The following DSG3 variants were observed in gnomAD, a reference collection of about 807,000 sequenced individuals.
DSG3 encodes desmoglein 3.
In DSG3, 63 loss-of-function variants were observed where a neutral mutation model predicts 85.9. The observed-to-expected ratio is 0.73, with a 90% CI of 0.60 to 0.90. The LOEUF is 0.90. Among genes scored for constraint, DSG3 ranks in the 40% least tolerant of loss-of-function variants. The pLI is 0.00. For synonymous variants in DSG3, 447 were observed against 441.9 expected, an observed-to-expected ratio of 1.01 and a Z score of -0.14; for missense variants, 1,220 against 1,219.9, an observed-to-expected ratio of 1.00 and a Z score of 0.00.
At position 31,474,271 on chromosome 18, in the gene DSG3, C is replaced by T; in HGVS notation, c.2252C>T (p.Ala751Val). ...TVSGAASGFG[A>V]ATGVGICSSG... is the part of the protein sequence containing the mutation. ...TCAGGAGCTGCTTCAGGATTCGGAGCAGCCACTGGAGTTGGCATCTGTTCC... is the reference window on the plus strand; with the variant it reads ...TCAGGAGCTGCTTCAGGATTCGGAGTAGCCACTGGAGTTGGCATCTGTTCC... The change falls in exon 15 of 16, where the codon GCA (alanine) becomes GTA (valine). Residue 751 changes from alanine (A) to valine (V), a missense_variant. Coordinates refer to ENST00000257189, the MANE Select transcript of DSG3 (RefSeq NM_001944.3). The T allele has an allele frequency of 1.2e-6, 2 of 1,614,196 alleles. No homozygotes were observed. Among genetic ancestry groups the T allele is most frequent in the Non-Finnish European group, 1.7e-6 (2 of 1,180,034 alleles).
chr18:31,449,825 A>G (rs1190815633), intron 1 of DSG3, among the ~76,000 whole-genome samples: 2 of 152,204 alleles, frequency 1.3e-5, no homozygotes, highest in African/African-American at 4.8e-5. Context: ...ACTCTGTCCC[A>G]TATGGTAGCC....
At chr18:31,456,226 T>TA (rs2072741040) in intron 1 of DSG3, among the ~76,000 whole-genome samples, 2 of 152,340 alleles carry the variant, frequency 1.3e-5, no homozygotes, top group South Asian at 2.1e-4. Flanking sequence ...TGTAGTCAAT[T>TA]AAAAAACTGG....
intron 1 of DSG3, among the ~76,000 whole-genome samples, chr18:31,455,543 T>C (rs75744095): frequency 0.013 from 1,950 of 152,330 alleles, 54 homozygotes; most frequent in African/African-American, 0.044. Flanking sequence ...ACAGAATATG[T>C]GTTGTACAAA....
At chr18:31,459,322 G>T (rs958054364) in intron 5 of DSG3, 145 bp downstream of exon 5, 1 of 794,180 alleles carries the variant, frequency 1.3e-6, no homozygotes, top group Non-Finnish European at 1.9e-6. Flanking sequence ...ATAAATCTGG[G>T]TCTTCCTTTC....
At chr18:31,465,595 G>A in intron 10 of DSG3, 138 bp downstream of exon 10, 4 of 790,220 alleles carry the variant, frequency 5.1e-6, no homozygotes, top group Non-Finnish European at 6.9e-6. Context: ...TGGGCCTCAA[G>A]TTTGAGGCAG....
intron 1 of DSG3, among the ~76,000 whole-genome samples, chr18:31,455,838 A>T (rs1568085796): frequency 6.6e-6 from 1 of 152,236 alleles, no homozygotes; most frequent in Non-Finnish European, 1.5e-5. Context: ...GAACAGATCC[A>T]TGTCTCACTG....
chr18:31,455,296 T>C lies in DSG3; in HGVS notation c.49-1144T>C, dbSNP rs561316813. The stretch of plus-strand genomic sequence containing the variant: ...TTAGCTACTGTTATTACTCTTCTAG[T>C]TTTTTTTTTCTTCTGACTTATTTTC... On this transcript the variant is annotated intron_variant, in intron 1 of 15. Coordinates refer to ENST00000257189, the MANE Select transcript of DSG3 (RefSeq NM_001944.3). 2.7e-5 allele frequency among the ~76,000 whole-genome samples: 4 copies of C among 149,538 alleles called. No homozygotes were observed. The East Asian group carries it at 5.9e-4, about 22-fold the overall frequency.
In DSG3 at chr18:31,456,492, GT is replaced by G; in HGVS notation, c.84+22del. 7.7e-7 allele frequency: 1 copy of G among 1,304,066 alleles called. No homozygotes were observed. The highest frequency in any genetic ancestry group is 9.9e-7 in the Non-Finnish European group (1 of 1,009,934). The allele number at this position is 1,304,066 out of a possible 1,614,324, so 80.8% of individuals were successfully genotyped here. On this transcript the variant is annotated intron_variant, in intron 2 of 15. Transcript: ENST00000257189. ...CGAATAGAGGTAAAGTATGAAAAAG[GT>G]TTTTGTACTTAAAATAATAGTTTAG...
intron 7 of DSG3, 48 bp downstream of exon 7, chr18:31,461,009 T>C: frequency 6.6e-7 from 1 of 1,507,512 alleles, no homozygotes; most frequent in Non-Finnish European, 8.9e-7. Context: ...TATTTAATAC[T>C]TTGAAATCCT....
Position 31,468,668 on chromosome 18 carries a change from T to C in DSG3, c.1637-421T>C, listed in dbSNP as rs141514868. On this transcript the variant is annotated intron_variant, in intron 11 of 15. Coordinates refer to ENST00000257189, the MANE Select transcript of DSG3 (RefSeq NM_001944.3). ...GTAAGAGTGTAAGACACTGCTGTGG[T>C]TGGAATAGGTCTTCCAAAGCTCATG... 3.4e-3 allele frequency among the ~76,000 whole-genome samples: 516 copies of C among 152,278 alleles called. 3 individuals carry two copies. The highest frequency in any genetic ancestry group is 0.012 in the African/African-American group (480 of 41,554).
At chr18:31,461,070 T>C in intron 7 of DSG3, 109 bp downstream of exon 7, 3 of 1,284,740 alleles carry the variant, frequency 2.3e-6, no homozygotes, top group Non-Finnish European at 3.1e-6. Flanking sequence ...TCTGCACTTA[T>C]CTTTAAAGAA....
chr18:31,456,704 C>T (rs1196338038), intron 2 of DSG3, among the ~76,000 whole-genome samples: 1 of 152,042 alleles, frequency 6.6e-6, no homozygotes, highest in African/African-American at 2.4e-5. Context: ...TTATCTTAAA[C>T]AAATCAGCTG....
intron 15 of DSG3, among the ~76,000 whole-genome samples, chr18:31,475,207 C>T (rs7236589): frequency 0.12 from 18,741 of 152,100 alleles, 1,197 homozygotes; most frequent in African/African-American, 0.17. Context: ...CAGAGAGGCA[C>T]GGTTAGAATG....
In DSG3 at chr18:31,472,357, A is replaced by G. The variant is rs146051232; in HGVS notation, c.1971A>G (p.Pro657=). Residue 657 remains proline, a synonymous_variant, in exon 13 of 16, where the codon CCA becomes CCG. Transcript: ENST00000257189. Reference sequence around the variant, plus strand: ...GGGGAGTGACAGGTGGTTTTATCCCAGTTCCTGATGGCTCAGAAGGAACAA... The same window carrying G: ...GGGGAGTGACAGGTGGTTTTATCCCGGTTCCTGATGGCTCAGAAGGAACAA... ...STGGVTGGFI[P]VPDGSEGTIH... is the part of the protein sequence containing the mutation. The G allele has an allele frequency of 5.0e-6, 8 of 1,614,186 alleles. No individual in the cohort carries two copies. The highest frequency in any genetic ancestry group is 6.8e-6 in the Non-Finnish European group (8 of 1,180,012).
At position 31,464,107 on chromosome 18, in the gene DSG3, C is replaced by T; in HGVS notation, c.1000-4C>T. On this transcript the variant is annotated splice_region_variant and splice_polypyrimidine_tract_variant and intron_variant, in intron 8 of 15. Coordinates refer to ENST00000257189, the MANE Select transcript of DSG3 (RefSeq NM_001944.3). ...ACTGCCTTCTAATTTTATTTTTTCT[C>T]CAGGCTCTAGATTATGAACAACTAC... The T allele has an allele frequency of 6.2e-7, 1 of 1,601,568 alleles. No individual in the cohort carries two copies. The highest frequency in any genetic ancestry group is 2.2e-5 in the East Asian group (1 of 44,664).
chr18:31,468,056 G>C (rs2072832839), intron 11 of DSG3, among the ~76,000 whole-genome samples: 1 of 152,204 alleles, frequency 6.6e-6, no homozygotes, highest in African/African-American at 2.4e-5. Context: ...AGGTGGGCAA[G>C]GCACAATGTC....
intron 1 of DSG3, among the ~76,000 whole-genome samples, chr18:31,452,882 A>T (rs2072720080): frequency 6.6e-6 from 1 of 152,194 alleles, no homozygotes; most frequent in Non-Finnish European, 1.5e-5. Context: ...ATTTAAGAAT[A>T]TCCAGGGATA....
chr18:31,467,335 T>G (rs559159198), intron 11 of DSG3, among the ~76,000 whole-genome samples: 1 of 151,816 alleles, frequency 6.6e-6, no homozygotes, highest in African/African-American at 2.4e-5. Context: ...GAGTGAAAAC[T>G]CCATCTAAAA....
At chr18:31,470,961 A>G (rs1431515789) in intron 12 of DSG3, among the ~76,000 whole-genome samples, 2 of 152,204 alleles carry the variant, frequency 1.3e-5, no homozygotes, top group Non-Finnish European at 2.9e-5. Flanking sequence ...ACTTTATCCT[A>G]TGAGAAAGAG....
Sources: gnomAD v4.1 joint callset for allele counts (sites outside exome capture counted in the v4.1 genomes callset) on GRCh38, gnomAD v4.1.1 for gene constraint, MANE v1.5 for transcripts, NCBI Gene and HGNC (gene_info 2026-07-23, HGNC 2026-07-21) for gene names.